The following TEX11 variants were observed in gnomAD, a reference collection of about 807,000 sequenced individuals.
TEX11 encodes testis-expressed protein 11.
TEX11 carries 7 observed loss-of-function variants against 84.4 expected under a neutral mutation model. The ratio of observed to expected loss-of-function variants is 0.08; its 90% CI spans 0.05 to 0.16. The LOEUF is 0.16. Ranked by LOEUF, TEX11 falls within the 10% of genes least tolerant of loss-of-function variation. TEX11 has a pLI of 1.00. For missense variants in TEX11, 551 were observed against 660.5 expected, an observed-to-expected ratio of 0.83 and a Z score of 1.82; for synonymous variants, 264 against 222.8, an observed-to-expected ratio of 1.18 and a Z score of -1.64.
At chrX:70,703,290 T>C (rs147533968) in intron 13 of TEX11, among the ~76,000 whole-genome samples, 181 of 111,623 alleles carry the variant, frequency 1.6e-3, no homozygotes, top group African/African-American at 5.8e-3. Context: ...ATGTACATAA[T>C]CTCTTGTAAT....
intron 13 of TEX11, among the ~76,000 whole-genome samples, chrX:70,711,095 A>G (rs1368745262): frequency 9.0e-6 from 1 of 110,722 alleles, no homozygotes; most frequent in Non-Finnish European, 1.9e-5. Flanking sequence ...AGCTTCATCC[A>G]TGTCCCTACA....
At chrX:70,572,331 T>C (rs1294204754) in intron 25 of TEX11, among the ~76,000 whole-genome samples, 6 of 111,651 alleles carry the variant, frequency 5.4e-5, no homozygotes, top group African/African-American at 1.6e-4. Context: ...GAATGGCGAT[T>C]ATTAAAATGT....
intron 3 of TEX11, among the ~76,000 whole-genome samples, chrX:70,878,876 GT>G (rs749714825): frequency 2.7e-5 from 3 of 111,736 alleles, no homozygotes; most frequent in African/African-American, 9.7e-5. Context: ...CAATGAAAAC[GT>G]TCATGAATAG....
intron 13 of TEX11, among the ~76,000 whole-genome samples, chrX:70,719,307 T>C (rs2090535209): frequency 8.9e-6 from 1 of 112,266 alleles, no homozygotes; most frequent in Non-Finnish European, 1.9e-5. Context: ...AAGTCTTGTG[T>C]TAACCATTGC....
chrX:70,535,609 G>A (rs749420872), intron 28 of TEX11, among the ~76,000 whole-genome samples: 1 of 110,714 alleles, frequency 9.0e-6, no homozygotes, highest in Admixed American at 9.6e-5. Flanking sequence ...TTAGCTGGGT[G>A]TAGTGGCATG....
At chrX:70,614,792 A>G (rs1271622667) in intron 20 of TEX11, among the ~76,000 whole-genome samples, 1 of 111,207 alleles carries the variant, frequency 9.0e-6, no homozygotes, top group Non-Finnish European at 1.9e-5. Flanking sequence ...CATACCCCCA[A>G]TGCCAGACAG....
intron 20 of TEX11, among the ~76,000 whole-genome samples, chrX:70,618,407 G>A (rs756335761): frequency 9.0e-6 from 1 of 111,550 alleles, no homozygotes; most frequent in South Asian, 3.9e-4. Context: ...AAATTAGTGG[G>A]CATCTGGGGA....
intron 9 of TEX11, among the ~76,000 whole-genome samples, chrX:70,749,954 G>A (rs978382388): frequency 9.0e-6 from 1 of 110,881 alleles, no homozygotes; most frequent in Non-Finnish European, 1.9e-5. Context: ...CTTCTGCACA[G>A]CAAAAGAAAC....
At chrX:70,803,869 G>A (rs1310070249) in intron 9 of TEX11, among the ~76,000 whole-genome samples, 2 of 111,911 alleles carry the variant, frequency 1.8e-5, no homozygotes, top group African/African-American at 6.5e-5. Flanking sequence ...AAAGGGTCAG[G>A]CGCAGTGGCT....
chrX:70,786,326 G>A (rs6625678), intron 9 of TEX11, among the ~76,000 whole-genome samples: 44,291 of 109,895 alleles, frequency 0.4, 7,429 homozygotes, highest in East Asian at 0.55. Flanking sequence ...TCAGGAGGTG[G>A]TGGGCTTGGG....
intron 10 of TEX11, among the ~76,000 whole-genome samples, chrX:70,743,506 A>G (rs1295920875): frequency 3.6e-5 from 4 of 111,917 alleles, no homozygotes; most frequent in Non-Finnish European, 7.5e-5. Flanking sequence ...ACATATTAAG[A>G]TTAATTTCCA....
chrX:70,561,105 C>T (rs1417643773), intron 25 of TEX11, among the ~76,000 whole-genome samples: 2 of 107,727 alleles, frequency 1.9e-5, no homozygotes, highest in East Asian at 5.8e-4. Flanking sequence ...TTTGGGAAAA[C>T]TGATATATCC....
chrX:70,905,551 A>G (rs1269857272), intron 2 of TEX11, among the ~76,000 whole-genome samples: 8 of 111,711 alleles, frequency 7.2e-5, no homozygotes, highest in Middle Eastern at 4.7e-3. Context: ...CATGAGTGGT[A>G]GTCAAAGATG....
At chrX:70,906,771 G>A (rs951434440) in intron 2 of TEX11, among the ~76,000 whole-genome samples, 1 of 97,448 alleles carries the variant, frequency 1.0e-5, no homozygotes, top group Non-Finnish European at 2.1e-5. Context: ...TGGGCAACAA[G>A]AGCAAAACTG....
At chrX:70,762,930 A>G (rs1230376587) in intron 9 of TEX11, among the ~76,000 whole-genome samples, 3 of 111,621 alleles carry the variant, frequency 2.7e-5, no homozygotes, top group African/African-American at 9.8e-5. Context: ...GCAACTCAGG[A>G]GGCTGAGGTG....
At chrX:70,794,377 G>A (rs1040803732) in intron 9 of TEX11, among the ~76,000 whole-genome samples, 3 of 111,318 alleles carry the variant, frequency 2.7e-5, no homozygotes, top group African/African-American at 6.5e-5. Context: ...CATTGCTGTC[G>A]GCTAAAGTGC....
chrX:70,547,550 A>G (rs2088147355), intron 28 of TEX11, among the ~76,000 whole-genome samples: 1 of 111,427 alleles, frequency 9.0e-6, no homozygotes, highest in African/African-American at 3.3e-5. Context: ...AGAATCTACA[A>G]TGAACTCAAA....
intron 17 of TEX11, among the ~76,000 whole-genome samples, chrX:70,644,932 T>TA (rs199967251): frequency 2.8e-5 from 3 of 107,290 alleles, no homozygotes; most frequent in African/African-American, 3.4e-5. Flanking sequence ...TAAAAAAAAT[T>TA]AAAAAAAGAT....
chrX:70,828,933 G>C (rs554595591), intron 8 of TEX11, among the ~76,000 whole-genome samples: 4 of 111,691 alleles, frequency 3.6e-5, no homozygotes, highest in Admixed American at 9.6e-5. Context: ...CCAGGAAAGA[G>C]AGGCATGACA....
Sources: gnomAD v4.1 joint callset for allele counts (sites outside exome capture counted in the v4.1 genomes callset) on GRCh38, gnomAD v4.1.1 for gene constraint, MANE v1.5 for transcripts, NCBI Gene and HGNC (gene_info 2026-07-23, HGNC 2026-07-21) for gene names.